RANBP2: variants seen among roughly 807,000 people sequenced by gnomAD.
The protein encoded by RANBP2 is E3 SUMO-protein ligase RanBP2.
Under a neutral mutation model 303.6 loss-of-function variants are expected in RANBP2, and 57 were observed. That is an observed-to-expected ratio of 0.19 (90% CI 0.15 to 0.23). The LOEUF is 0.23. Ranked by LOEUF, RANBP2 falls within the 10% of genes least tolerant of loss-of-function variation. RANBP2 has a pLI of 1.00. For missense variants in RANBP2, 3,138 were observed against 3,780.8 expected (o/e 0.83, Z 4.46); for synonymous variants, 1,167 against 1,301.5 (o/e 0.90, Z 2.23).
At chr2:108,861,641 T>C in the RANBP2 span, among the ~76,000 whole-genome samples, 3 of 151,942 alleles carry the variant, frequency 2.0e-5, no homozygotes, top group African/African-American at 7.2e-5. Flanking sequence ...CCGCCACACC[T>C]AGCTAATTTT....
the RANBP2 span, among the ~76,000 whole-genome samples, chr2:109,143,567 T>C: frequency 2.0e-5 from 3 of 151,474 alleles, no homozygotes; most frequent in East Asian, 5.8e-4. Flanking sequence ...ACATAGCAAG[T>C]CCCCATCTCT....
the RANBP2 span, among the ~76,000 whole-genome samples, chr2:108,899,401 C>A: frequency 6.6e-6 from 1 of 152,128 alleles, no homozygotes; most frequent in East Asian, 1.9e-4. Flanking sequence ...AAGAATTTTT[C>A]ACCAGCAGAC....
chr2:109,671,587 C>T, the RANBP2 span, among the ~76,000 whole-genome samples: 1 of 152,122 alleles, frequency 6.6e-6, no homozygotes, highest in Non-Finnish European at 1.5e-5. Context: ...CCTGCTGGTG[C>T]CTGAACCAGG....
chr2:109,278,940 A>G, the RANBP2 span, among the ~76,000 whole-genome samples: 7 of 152,162 alleles, frequency 4.6e-5, no homozygotes, highest in Non-Finnish European at 8.8e-5. Flanking sequence ...GAGAATGTCT[A>G]CTTTGAGCAG....
At chr2:109,508,907 G>A in the RANBP2 span, among the ~76,000 whole-genome samples, 2 of 152,224 alleles carry the variant, frequency 1.3e-5, no homozygotes, top group African/African-American at 2.4e-5. Context: ...GAGCAAAGGC[G>A]CTACAAGCCC....
chr2:109,257,118 C>T, the RANBP2 span, among the ~76,000 whole-genome samples: 2 of 152,288 alleles, frequency 1.3e-5, no homozygotes, highest in East Asian at 3.9e-4. Context: ...GCCACTGAAT[C>T]CCTCATGTCC....
chr2:109,111,679 T>C, the RANBP2 span, among the ~76,000 whole-genome samples: 5 of 151,570 alleles, frequency 3.3e-5, no homozygotes, highest in South Asian at 8.4e-4. Context: ...ATGTGCACAA[T>C]GTGCAGGTTA....
the RANBP2 span, among the ~76,000 whole-genome samples, chr2:109,680,397 A>T: frequency 2.6e-5 from 4 of 151,724 alleles, no homozygotes; most frequent in African/African-American, 9.6e-5. Flanking sequence ...AAAAAATTTA[A>T]AAAAAGATAA....
intron 17 of RANBP2, among the ~76,000 whole-genome samples, chr2:108,756,031 G>A (rs552055423): frequency 3.3e-5 from 5 of 152,124 alleles, no homozygotes; most frequent in South Asian, 4.2e-4. Flanking sequence ...GCCCTTTACC[G>A]TATTTTTGAA....
intron 1 of RANBP2, among the ~76,000 whole-genome samples, chr2:108,723,518 G>A (rs1156745142): frequency 1.4e-4 from 22 of 151,756 alleles, no homozygotes; most frequent in African/African-American, 4.6e-4. Context: ...CTCATGATCC[G>A]CCCGCCTCAG....
chr2:109,279,522 T>A, the RANBP2 span, among the ~76,000 whole-genome samples: 1 of 152,130 alleles, frequency 6.6e-6, no homozygotes, highest in Non-Finnish European at 1.5e-5. Flanking sequence ...CACCGCCCCC[T>A]CCATCACCCT....
At chr2:109,269,196 A>G in the RANBP2 span, among the ~76,000 whole-genome samples, 9 of 152,196 alleles carry the variant, frequency 5.9e-5, no homozygotes, top group African/African-American at 1.4e-4. Flanking sequence ...TTCCTCTCCA[A>G]CCTTCGCCCT....
the RANBP2 span, chr2:109,124,552 C>G: frequency 6.6e-6 from 1 of 152,234 alleles, no homozygotes; most frequent in Non-Finnish European, 1.5e-5. Context: ...CTCAGGTGAT[C>G]CGCCCGTCTC....
the RANBP2 span, among the ~76,000 whole-genome samples, chr2:109,579,546 G>A: frequency 4.6e-5 from 7 of 151,786 alleles, no homozygotes; most frequent in African/African-American, 7.3e-5. Context: ...ACCACGCCTG[G>A]CTAATTTTTG....
the RANBP2 span, among the ~76,000 whole-genome samples, chr2:108,800,608 C>CTTTT: frequency 2.4e-4 from 8 of 33,490 alleles, no homozygotes; most frequent in Non-Finnish European, 2.9e-4. Flanking sequence ...CTCAGTTTAG[C>CTTTT]TTTTTTTTTT....
the RANBP2 span, among the ~76,000 whole-genome samples, chr2:108,798,852 C>T: frequency 6.7e-6 from 1 of 150,006 alleles, no homozygotes; most frequent in Non-Finnish European, 1.5e-5. Flanking sequence ...CACACACACA[C>T]ATTTTTTCTG....
the RANBP2 span, among the ~76,000 whole-genome samples, chr2:108,813,665 T>C: frequency 6.6e-6 from 1 of 152,166 alleles, no homozygotes; most frequent in Admixed American, 6.5e-5. Context: ...AGAAATCCTT[T>C]AGTGTAAAGT....
the RANBP2 span, among the ~76,000 whole-genome samples, chr2:109,353,325 A>G: frequency 6.6e-6 from 1 of 152,166 alleles, no homozygotes; most frequent in Non-Finnish European, 1.5e-5. Context: ...CCACACATTT[A>G]TAGCTCGACC....
chr2:108,897,111 G>A, the RANBP2 span: 360 of 1,614,028 alleles, frequency 2.2e-4, 1 homozygote, highest in African/African-American at 3.5e-3. Flanking sequence ...TCTTCAGGCC[G>A]AAGCTCTCGG....
Sources: allele counts gnomAD v4.1 joint callset (sites outside exome capture counted in the v4.1 genomes callset), GRCh38; gene constraint gnomAD v4.1.1; transcripts MANE v1.5; gene names NCBI Gene and HGNC (gene_info 2026-07-23, HGNC 2026-07-21).